Variants in GRK1 observed in about 807,000 individuals in gnomAD.
The protein encoded by GRK1 is G protein-coupled receptor kinase 1, also known as rhodopsin kinase GRK1.
Under a neutral mutation model 41.7 loss-of-function variants are expected in GRK1, and 28 were observed. The ratio of observed to expected loss-of-function variants is 0.67; its 90% CI spans 0.50 to 0.92. The LOEUF is 0.92. Ranked by LOEUF, GRK1 falls within the 40% of genes least tolerant of loss-of-function variation. The pLI is 0.00. For synonymous variants in GRK1, 327 were observed against 286.7 expected, an observed-to-expected ratio of 1.14 and a Z score of -1.42; for missense variants, 703 against 671.2, an observed-to-expected ratio of 1.05 and a Z score of -0.52.
chr13:113,669,328 A>G (rs1003916543), intron 1 of GRK1, among the ~76,000 whole-genome samples: 1 of 152,240 alleles, frequency 6.6e-6, no homozygotes, highest in Non-Finnish European at 1.5e-5. Context: ...AGCCCAGCCC[A>G]CGGGGGCCTG....
intron 4 of GRK1, among the ~76,000 whole-genome samples, chr13:113,728,038 G>A (rs2049903595): frequency 1.1e-5 from 1 of 90,532 alleles, no homozygotes. Flanking sequence ...GCGATGAGGA[G>A]TACCCATGGC....
rs1240772386 is a variant in GRK1, at chr13:113,733,937, C to T, written c.1396+852C>T. ...GTGTGCGTGTGTGCATGTGTGCATA[C>T]GTGTGTGCGTGTGTGTGCATACGTG... On this transcript the variant is annotated intron_variant, in intron 6 of 6. Coordinates refer to ENST00000335678, the MANE Select transcript of GRK1 (RefSeq NM_002929.3). 1.4e-3 allele frequency among the ~76,000 whole-genome samples: 131 copies of T among 95,784 alleles called. 2 individuals are homozygous for T. The highest frequency in any genetic ancestry group is 6.4e-3 in the African/African-American group (125 of 19,448). The allele number at this position is 95,784 out of a possible 152,430, so 62.8% of individuals were successfully genotyped here.
intron 4 of GRK1, among the ~76,000 whole-genome samples, chr13:113,726,940 G>A (rs191876251): frequency 1.3e-5 from 2 of 152,342 alleles, no homozygotes; most frequent in African/African-American, 4.8e-5. Flanking sequence ...CAGGCACGGT[G>A]AAGGACCAGG....
chr13:113,733,765 ATGTGTGTGCATACGTGTGTGCATGTGTG>A (rs1254519307), intron 6 of GRK1, among the ~76,000 whole-genome samples: 21 of 66,932 alleles, frequency 3.1e-4, no homozygotes, highest in Non-Finnish European at 6.0e-4. Flanking sequence ...GTGCGTGTGT[ATGTGTGTGCATACGTGTGTGCATGTGTG>A]TATGTGTATC....
chr13:113,665,146 A>G (rs1158641541), upstream of GRK1, among the ~76,000 whole-genome samples: 2 of 152,072 alleles, frequency 1.3e-5, no homozygotes, highest in Non-Finnish European at 2.9e-5. Context: ...CCACCTCTCT[A>G]TGCTCCGGCA....
At chr13:113,733,671 A>G (rs573420366) in intron 6 of GRK1, among the ~76,000 whole-genome samples, 5,060 of 57,952 alleles carry the variant, frequency 0.087, 469 homozygotes, top group African/African-American at 0.34. Flanking sequence ...GCGTGTGTGC[A>G]CGTGTGTGCA....
chr13:113,654,365 T>C, the GRK1 span, among the ~76,000 whole-genome samples: 2 of 152,172 alleles, frequency 1.3e-5, no homozygotes, highest in Non-Finnish European at 2.9e-5. Flanking sequence ...ACCCTGCTGA[T>C]GTGTAGGTGA....
chr13:113,727,579 A>G (rs1227865952), intron 4 of GRK1, among the ~76,000 whole-genome samples: 264 of 118,420 alleles, frequency 2.2e-3, no homozygotes, highest in Middle Eastern at 6.7e-3. Flanking sequence ...GACCCATGGC[A>G]ATGAGGAGTA....
At chr13:113,668,656 A>G (rs1342934713) in intron 1 of GRK1, among the ~76,000 whole-genome samples, 1 of 152,228 alleles carries the variant, frequency 6.6e-6, no homozygotes, top group African/African-American at 2.4e-5. Flanking sequence ...CGCTCTGCCC[A>G]CTGGCGTCAG....
At chr13:113,657,860 G>A in the GRK1 span, among the ~76,000 whole-genome samples, 12 of 152,298 alleles carry the variant, frequency 7.9e-5, no homozygotes, top group South Asian at 4.1e-4. Flanking sequence ...GGGGACCCTC[G>A]CTTTCCCTGG....
rs915781894 is a variant in GRK1, at chr13:113,735,429, G to A, written c.*66G>A. 4.0e-5 allele frequency: 57 copies of A among 1,414,634 alleles called. No individual in the cohort carries two copies. Among genetic ancestry groups the A allele is most frequent in the Non-Finnish European group, 5.1e-5 (55 of 1,081,406 alleles). 87.6% of individuals were successfully genotyped at this position (1,414,634 alleles called of 1,614,324 possible). On this transcript the variant is annotated 3_prime_UTR_variant, in exon 7 of 7. Coordinates refer to ENST00000335678, the MANE Select transcript of GRK1 (RefSeq NM_002929.3). ...GGCTCGATGGGGGCCGCCTGCCTCCGTGGTGCCAGCCTGGGGTCTGCTAGC... is the reference window on the plus strand; with the variant it reads ...GGCTCGATGGGGGCCGCCTGCCTCCATGGTGCCAGCCTGGGGTCTGCTAGC...
the GRK1 span, chr13:113,658,305 C>G: frequency 8.9e-6 from 6 of 675,760 alleles, no homozygotes; most frequent in African/African-American, 1.1e-4. Context: ...TCAGCGCCGG[C>G]CATCGCCTCA....
intron 4 of GRK1, among the ~76,000 whole-genome samples, chr13:113,723,937 T>A (rs1054170391): frequency 1.3e-5 from 2 of 151,748 alleles, no homozygotes; most frequent in Non-Finnish European, 2.9e-5. Context: ...CACATGTGTA[T>A]CCGTGTGCCT....
chr13:113,655,091 C>A, the GRK1 span: 1 of 1,130,112 alleles, frequency 8.8e-7, no homozygotes. Flanking sequence ...AACCCCGTCC[C>A]CACAAACAGT....
At position 113,732,092 on chromosome 13, in the gene GRK1, G is replaced by T. The variant is rs552845693; in HGVS notation, c.1194+749G>T. ...AGAAAAGCTGGCTTTTTCCCTGTGA[G>T]GCTGACTCAGAGCTCAGGGCTGGGG... On this transcript the variant is annotated intron_variant, in intron 5 of 6. Coordinates refer to ENST00000335678, the MANE Select transcript of GRK1 (RefSeq NM_002929.3). 2.0e-5 allele frequency among the ~76,000 whole-genome samples: 3 copies of T among 152,286 alleles called. No individual in the cohort carries two copies. In the East Asian group the frequency reaches 5.8e-4, roughly 29 times the overall value.
At chr13:113,655,425 GAA>G in the GRK1 span, among the ~76,000 whole-genome samples, 1 of 152,230 alleles carries the variant, frequency 6.6e-6, no homozygotes, top group South Asian at 2.1e-4. Flanking sequence ...ATCAGGAAGA[GAA>G]AGGGAGGAAG....
At position 113,667,581 on chromosome 13, in the gene GRK1, G is replaced by A; in HGVS notation, c.195G>A (p.Gln65=). The change falls in exon 1 of 7, where the codon CAG becomes CAA. Residue 65 remains glutamine (Q), a synonymous_variant. Transcript: ENST00000335678. This position sits in a 1 kb window ranked among gnomAD's most constrained non-coding sequence, Gnocchi z 7.5. ...AGTTTGAGAGTGTGTGCTTGGAGCA[G>A]CCCATCGGCAAGAAGCTCTTTCAGC... The part of the protein sequence containing the change: ...SLEFESVCLE[Q]PIGKKLFQQF... 1.2e-6 allele frequency: 2 copies of A among 1,613,606 alleles called. No homozygotes were observed. The highest frequency in any genetic ancestry group is 8.5e-7 in the Non-Finnish European group (1 of 1,179,892).
rs533473901 is a variant in GRK1 at position 113,733,787 on chromosome 13, ATGTG to A, written c.1396+706_1396+709del. Among the ~76,000 whole-genome samples the A allele has an allele frequency of 3.0e-4, 25 of 84,132 alleles. 1 individual carries two copies. Among genetic ancestry groups the A allele is most frequent in the East Asian group, 2.5e-3 (7 of 2,776 alleles). 55.2% of individuals were successfully genotyped at this position (84,132 alleles called of 152,430 possible). A position where few individuals can be genotyped will look rare whatever the true frequency, so the allele number is the denominator to read the frequency against. The stretch of plus-strand genomic sequence containing the variant: ...TGTATGTGTGTGCATACGTGTGTGC[ATGTG>A]TGTATGTGTATCTGTGTGCATACGT... On this transcript the variant is annotated intron_variant, in intron 6 of 6. Coordinates refer to ENST00000335678, the MANE Select transcript of GRK1 (RefSeq NM_002929.3).
upstream of GRK1, among the ~76,000 whole-genome samples, chr13:113,666,123 C>T (rs1164061670): frequency 6.7e-6 from 1 of 149,680 alleles, no homozygotes; most frequent in African/African-American, 2.5e-5. Context: ...AGGTGTGCCC[C>T]AGATGTGCCC....
Sources: gnomAD v4.1 joint callset for allele counts (sites outside exome capture counted in the v4.1 genomes callset) on GRCh38, gnomAD v4.1.1 for gene constraint, Gnocchi (gnomAD v3.1) non-coding constraint, MANE v1.5 for transcripts, NCBI Gene and HGNC (gene_info 2026-07-23, HGNC 2026-07-21) for gene names.